Variants in PSG1 observed in about 807,000 individuals in gnomAD.
The protein encoded by PSG1 is pregnancy-specific beta-1-glycoprotein 1.
In PSG1, 60 loss-of-function variants were observed where a neutral mutation model predicts 41.4. The observed-to-expected ratio is 1.45, with a 90% CI of 1.18 to 1.80. The LOEUF (loss-of-function observed/expected upper bound fraction) is 1.80. PSG1 is among the 40% of genes most tolerant of loss of function. The pLI is 0.00. For missense variants in PSG1, 806 were observed against 516.9 expected, an observed-to-expected ratio of 1.56 and a Z score of -5.42; for synonymous variants, 256 against 192.9, an observed-to-expected ratio of 1.33 and a Z score of -2.71.
chr19:42,877,515 G>C (rs8111114), intron 2 of PSG1, among the ~76,000 whole-genome samples: 3 of 151,516 alleles, frequency 2.0e-5, no homozygotes, highest in South Asian at 2.1e-4. Context: ...TTAGGGACAA[G>C]GGTCTGGGGT....
At chr19:42,867,436 A>C (rs1488024100) in intron 5 of PSG1, 2 of 576,456 alleles carry the variant, frequency 3.5e-6, no homozygotes, top group Non-Finnish European at 6.1e-6. Flanking sequence ...TTAAATCTTC[A>C]CAAACCTCTT....
intron 3 of PSG1, among the ~76,000 whole-genome samples, chr19:42,871,080 A>G (rs1971362030): frequency 6.6e-6 from 1 of 151,592 alleles, no homozygotes; most frequent in East Asian, 1.9e-4. Context: ...TGGAAAACAT[A>G]TTGCCAATGC....
chr19:42,877,725 C>T (rs1044153178), intron 2 of PSG1, among the ~76,000 whole-genome samples, 188 bp downstream of exon 2: 16 of 151,704 alleles, frequency 1.1e-4, no homozygotes, highest in South Asian at 1.0e-3. Context: ...GGTCTGGATG[C>T]AGGAAAGGAA....
At chr19:42,872,694 C>T (rs1467251620) in intron 2 of PSG1, among the ~76,000 whole-genome samples, 1 of 151,582 alleles carries the variant, frequency 6.6e-6, no homozygotes, top group Non-Finnish European at 1.5e-5. Flanking sequence ...GAGCAGAGTC[C>T]AAGGAATGAC....
In PSG1 at chr19:42,870,903, G is replaced by C. The variant is rs375631940; in HGVS notation, c.709+864C>G. On this transcript the variant is annotated intron_variant, in intron 3 of 5. Transcript: ENST00000436291. ...TATTTCCTTAATTTCCTTTCAGATT[G>C]TTCATTGTTAGTGTATAGTCTAAAG... Among the ~76,000 whole-genome samples, 3 of 151,516 alleles carry C rather than the reference G, an allele frequency of 2.0e-5. 1 individual carries two copies. Among genetic ancestry groups the C allele is most frequent in the Non-Finnish European group, 4.4e-5 (3 of 67,874 alleles).
Position 42,866,845 on chromosome 19 carries a change from GA to G in PSG1, c.*288del, listed in dbSNP as rs1196029917. The stretch of plus-strand genomic sequence containing the variant: ...GGCAGGCATGAGCAAGGACAGTTAA[GA>G]GGGGGGAGAGCCTCATCATGATGGG... On this transcript the variant is annotated 3_prime_UTR_variant, in exon 6 of 6. Transcript: ENST00000436291. 1.6e-6 allele frequency: 1 copy of G among 619,662 alleles called. No individual in the cohort carries two copies. Among genetic ancestry groups the G allele is most frequent in the African/African-American group, 1.8e-5 (1 of 54,658 alleles). The allele number at this position is 619,662 out of a possible 1,614,324, so 38.4% of individuals were successfully genotyped here.
At chr19:42,877,807 A>T in intron 2 of PSG1, 106 bp downstream of exon 2, 1 of 1,593,542 alleles carries the variant, frequency 6.3e-7, no homozygotes, top group African/African-American at 1.3e-5. Context: ...CATGGGACAT[A>T]ACGCAGTGAG....
At position 42,866,521 on chromosome 19, in the gene PSG1, A is replaced by C. The variant is rs947800462; in HGVS notation, c.*613T>G. 11 of 173,960 alleles carry C rather than the reference A, an allele frequency of 6.3e-5. No homozygotes were observed. In the East Asian group the frequency reaches 1.1e-3, roughly 18 times the overall value. The allele number at this position is 173,960 out of a possible 1,614,324, so 10.8% of individuals were successfully genotyped here. A position where few individuals can be genotyped will look rare whatever the true frequency, so the allele number is the denominator to read the frequency against. On this transcript the variant is annotated 3_prime_UTR_variant, in exon 6 of 6. Coordinates refer to ENST00000436291, the MANE Select transcript of PSG1 (RefSeq NM_001184825.2). ...GAATGTCTTACTGTCACGTTTTACA[A>C]TGTATCTCTTAGGAAACGGCAAGAG... is the stretch of plus-strand genomic sequence containing the variant.
rs1220989191 is a variant in PSG1, at chr19:42,867,170, A to T, written c.1244-20T>A. ...TCCAGTCTACAGGTGGATAATAAAA[A>T]CACAGAAACAATGAACAGAGCTGCA... is the stretch of plus-strand genomic sequence containing the variant. On this transcript the variant is annotated intron_variant, in intron 5 of 5. Transcript: ENST00000436291. 3 of 766,588 alleles carry T rather than the reference A, an allele frequency of 3.9e-6. No individual in the cohort carries two copies. Among genetic ancestry groups the T allele is most frequent in the Non-Finnish European group, 7.2e-6 (3 of 417,402 alleles). 47.5% of individuals were successfully genotyped at this position (766,588 alleles called of 1,614,324 possible).
intron 1 of PSG1, chr19:42,878,549 G>C (rs878996789): frequency 6.1e-6 from 3 of 492,458 alleles, no homozygotes; most frequent in South Asian, 4.5e-5. Context: ...TTTCTGTTTG[G>C]AATCCTCTTC....
rs144105130 is a variant in PSG1 at position 42,867,754 on chromosome 19, A to G, written c.1243+347T>C. 2.6e-3 allele frequency: 2,295 copies of G among 896,188 alleles called. 88 individuals carry two copies. The African/African-American group carries it at 0.031, about 12-fold the overall frequency. 55.5% of individuals were successfully genotyped at this position (896,188 alleles called of 1,614,324 possible). The stretch of plus-strand genomic sequence containing the variant: ...TATTGAACTGCTATAAGCTGTAGAT[A>G]GATTAAAAGAGAAAAATTCCATCAA... On this transcript the variant is annotated intron_variant, in intron 5 of 5. Transcript: ENST00000436291.
Position 42,879,537 on chromosome 19 carries a change from C to G in PSG1, c.45G>C (p.Trp15Cys). ...SAPPCTQRIKWKGLLLTASLL... is the reference protein window; with the variant it reads ...SAPPCTQRIKCKGLLLTASLL... ...CCTCACCTGTGAGCAGGAGCCCCTT[C>G]CATTTGATGCGCTGTGTGCAGGGAG... Residue 15 changes from tryptophan to cysteine, a missense_variant, in exon 1 of 6, where the codon TGG becomes TGC. Trp to Cys is a radical substitution (Grantham distance 215). Coordinates refer to ENST00000436291, the MANE Select transcript of PSG1 (RefSeq NM_001184825.2). 6.2e-7 allele frequency: 1 copy of G among 1,610,700 alleles called. No homozygotes were observed. Among genetic ancestry groups the G allele is most frequent in the Non-Finnish European group, 8.5e-7 (1 of 1,178,206 alleles).
In PSG1 at chr19:42,879,477, G is replaced by A. The variant is rs752587749; in HGVS notation, c.64+41C>T. The A allele has an allele frequency of 8.7e-6, 14 of 1,603,630 alleles. 1 individual carries two copies. The Admixed American group carries it at 2.2e-4, about 25-fold the overall frequency. On this transcript the variant is annotated intron_variant, in intron 1 of 5. Coordinates refer to ENST00000436291, the MANE Select transcript of PSG1 (RefSeq NM_001184825.2). Reference sequence around the variant, plus strand: ...CCAGGAGACCCCATCCAGTCACTCTGCTTCCTCCTCCTGTCCTCTCCCAGG... The same window carrying A: ...CCAGGAGACCCCATCCAGTCACTCTACTTCCTCCTCCTGTCCTCTCCCAGG...
At chr19:42,879,157 CTTTTTTT>C (rs58030325) in intron 1 of PSG1, among the ~76,000 whole-genome samples, 1 of 139,612 alleles carries the variant, frequency 7.2e-6, no homozygotes, top group Non-Finnish European at 1.5e-5. Flanking sequence ...TTTCTTTTTT[CTTTTTTT>C]TTTTTTGAGA....
Position 42,878,074 on chromosome 19 carries a change from A to T in PSG1, c.269T>A (p.Ile90Lys). 6.2e-7 allele frequency: 1 copy of T among 1,612,310 alleles called. No homozygotes were observed. The change falls in exon 2 of 6, where the codon ATA becomes AAA. Residue 90 changes from isoleucine (I) to lysine (K), a missense_variant. Transcript: ENST00000436291. ...TCGTCCACTATATGCAGGCCCATAT[A>T]TAATTATTTCACCGTCTACTACATA... ...TSYVVDGEII[I>K]YGPAYSGRET... is the part of the protein sequence containing the mutation.
intron 5 of PSG1, chr19:42,867,480 AC>A: frequency 1.7e-6 from 1 of 581,020 alleles, no homozygotes; most frequent in Non-Finnish European, 3.1e-6. Flanking sequence ...CTGACTTCAG[AC>A]TTTGCCTGCA....
rs754404651 is a variant in PSG1, at chr19:42,877,954, C to A, written c.389G>T (p.Gly130Val). 3.7e-6 allele frequency: 6 copies of A among 1,612,324 alleles called. 1 individual carries two copies. Among genetic ancestry groups the A allele is most frequent in the Non-Finnish European group, 5.1e-6 (6 of 1,179,116 alleles). ...GAAACGTCCAGTTACTCCTCTAGTC[C>A]CATCATCTCCCTTTATGATGTGTAA... ...YTLHIIKGDD[G>V]TRGVTGRFTF... is the part of the protein sequence containing the mutation. Residue 130 changes from glycine to valine, a missense_variant, in exon 2 of 6, where the codon GGG becomes GTG. Coordinates refer to ENST00000436291, the MANE Select transcript of PSG1 (RefSeq NM_001184825.2).
intron 1 of PSG1, among the ~76,000 whole-genome samples, chr19:42,878,963 C>A (rs868416571): frequency 7.3e-5 from 11 of 150,616 alleles, no homozygotes; most frequent in East Asian, 5.9e-4. Context: ...GTGTCATCTG[C>A]TATAGTTATT....
chr19:42,872,183 A>C, intron 2 of PSG1, 138 bp from the exon 3 acceptor site: 2 of 1,279,214 alleles, frequency 1.6e-6, no homozygotes, highest in Admixed American at 2.5e-5. Context: ...TGTGTGATAC[A>C]AGACAGATGC....
Sources: allele counts gnomAD v4.1 joint callset (sites outside exome capture counted in the v4.1 genomes callset), GRCh38; gene constraint gnomAD v4.1.1; transcripts MANE v1.5; gene names NCBI Gene and HGNC (gene_info 2026-07-23, HGNC 2026-07-21).